The following EDA variants were observed in gnomAD, a reference collection of about 807,000 sequenced individuals.
EDA encodes the protein ectodysplasin-A.
Under a neutral mutation model 23.6 loss-of-function variants are expected in EDA, and 2 were observed. The ratio of observed to expected loss-of-function variants is 0.08; its 90% CI spans 0.03 to 0.27. The LOEUF (loss-of-function observed/expected upper bound fraction) is 0.27, where lower values mean the gene tolerates loss of function less well. Ranked by LOEUF, EDA falls within the 10% of genes least tolerant of loss-of-function variation. The probability of loss-of-function intolerance (pLI) is 1.00; values close to 1 mark genes in which losing one functional copy is unlikely to be tolerated. For missense variants in EDA, 229 were observed against 324.2 expected, an observed-to-expected ratio of 0.71 and a Z score of 2.26; for synonymous variants, 131 against 132.0, an observed-to-expected ratio of 0.99 and a Z score of 0.05.
chrX:69,835,751 G>A (rs768771319), intron 1 of EDA, among the ~76,000 whole-genome samples: 4 of 111,716 alleles, frequency 3.6e-5, no homozygotes, highest in South Asian at 3.7e-4. Context: ...GCTTTGTTCC[G>A]CTGCTGTTGA....
intron 1 of EDA, among the ~76,000 whole-genome samples, chrX:69,729,936 T>A (rs1390355632): frequency 1.8e-5 from 2 of 112,154 alleles, no homozygotes; most frequent in Non-Finnish European, 3.8e-5. Context: ...CTGCTCACCA[T>A]CCCTGTTTGA....
intron 1 of EDA, among the ~76,000 whole-genome samples, chrX:69,795,060 G>A (rs183652492): frequency 2.0e-3 from 224 of 111,282 alleles, no homozygotes; most frequent in South Asian, 6.9e-3. Flanking sequence ...GTCTTGCTCC[G>A]TCACCCAGGC....
At chrX:69,782,758 G>A (rs2014994038) in intron 1 of EDA, among the ~76,000 whole-genome samples, 1 of 111,821 alleles carries the variant, frequency 8.9e-6, no homozygotes, top group South Asian at 3.7e-4. Flanking sequence ...AGCCAACCAA[G>A]GACTGGGAGA....
At chrX:69,898,206 A>G (rs1369871535) in intron 1 of EDA, among the ~76,000 whole-genome samples, 1 of 112,069 alleles carries the variant, frequency 8.9e-6, no homozygotes, top group African/African-American at 3.2e-5. Flanking sequence ...TGGAAGTTCC[A>G]TATGTATTTT....
intron 1 of EDA, among the ~76,000 whole-genome samples, chrX:69,727,949 A>G (rs1475066645): frequency 9.0e-6 from 1 of 111,687 alleles, no homozygotes; most frequent in Non-Finnish European, 1.9e-5. Flanking sequence ...GATTGTGATA[A>G]AAAATGAGTA....
chrX:69,931,704 G>A (rs1281021499), intron 1 of EDA, among the ~76,000 whole-genome samples: 1 of 111,583 alleles, frequency 9.0e-6, no homozygotes, highest in Non-Finnish European at 1.9e-5. Flanking sequence ...GTTTTGATGA[G>A]GATATGAGAA....
At chrX:69,619,153 A>G (rs1270168638) in intron 1 of EDA, among the ~76,000 whole-genome samples, 1 of 112,428 alleles carries the variant, frequency 8.9e-6, no homozygotes, top group Non-Finnish European at 1.9e-5. Context: ...GTTTTTAAAC[A>G]CAAACAACTG....
chrX:69,851,150 C>G (rs1317370812), intron 1 of EDA, among the ~76,000 whole-genome samples: 1 of 59,163 alleles, frequency 1.7e-5, no homozygotes, highest in Non-Finnish European at 3.6e-5. Context: ...AAATCTAGAT[C>G]AAGGGTTTGT....
chrX:69,752,399 A>T (rs2013918774), intron 1 of EDA, among the ~76,000 whole-genome samples: 1 of 111,732 alleles, frequency 8.9e-6, no homozygotes, highest in Non-Finnish European at 1.9e-5. Flanking sequence ...GCGTACGTTG[A>T]ACCAGCCTTG....
At chrX:69,689,349 G>A (rs1934639126) in intron 1 of EDA, among the ~76,000 whole-genome samples, 1 of 104,477 alleles carries the variant, frequency 9.6e-6, no homozygotes, top group Non-Finnish European at 1.9e-5. Flanking sequence ...AGGCTAGAGT[G>A]CAGTGGCGCA....
intron 1 of EDA, among the ~76,000 whole-genome samples, chrX:69,693,916 G>A (rs1602302730): frequency 1.8e-5 from 2 of 111,880 alleles, no homozygotes; most frequent in Non-Finnish European, 3.8e-5. Flanking sequence ...ATTTAAGATG[G>A]CAAATGAATG....
In EDA at chrX:70,035,504, G is replaced by A. The variant is rs1453813427; in HGVS notation, c.1071G>A (p.Arg357=). ...YTAGVCLLKA[R]QKIAVKMVHA... ...CAGGCGTCTGCCTCCTCAAGGCCCG[G>A]CAGAAGATCGCCGTCAAGATGGTGC... The change falls in exon 8 of 8, where the codon CGG becomes CGA. Residue 357 remains arginine (R), a synonymous_variant. Transcript: ENST00000374552. 2 of 1,209,897 alleles carry A rather than the reference G, an allele frequency of 1.7e-6. No homozygotes were observed. Among genetic ancestry groups the A allele is most frequent in the Non-Finnish European group, 2.2e-6 (2 of 895,153 alleles).
intron 1 of EDA, among the ~76,000 whole-genome samples, chrX:69,638,690 G>A (rs182274440): frequency 1.1e-3 from 126 of 111,856 alleles, no homozygotes; most frequent in African/African-American, 3.7e-3. Flanking sequence ...TTTCTGTACC[G>A]TAAGCCTATC....
intron 1 of EDA, among the ~76,000 whole-genome samples, chrX:69,818,045 T>C (rs146601778): frequency 0.016 from 1,748 of 111,721 alleles, 31 homozygotes; most frequent in African/African-American, 0.055. Flanking sequence ...ACTATCAAAT[T>C]AGAACTCAAG....
chrX:69,686,625 T>C (rs763088338), intron 1 of EDA, among the ~76,000 whole-genome samples: 3 of 111,517 alleles, frequency 2.7e-5, no homozygotes, highest in South Asian at 7.6e-4. Context: ...AGGAATCATA[T>C]ATCTACTTTC....
chrX:69,743,738 C>T (rs1024656579), intron 1 of EDA, among the ~76,000 whole-genome samples: 2 of 111,845 alleles, frequency 1.8e-5, no homozygotes, highest in African/African-American at 6.5e-5. Context: ...GTAGTTCAAC[C>T]TAGGTAAGTA....
chrX:69,895,284 G>A (rs959724903), intron 1 of EDA, among the ~76,000 whole-genome samples: 3 of 109,566 alleles, frequency 2.7e-5, no homozygotes, highest in Non-Finnish European at 3.8e-5. Context: ...CCTCTATTAC[G>A]ATGAGGGGAT....
In EDA at chrX:69,957,059, A is replaced by T; in HGVS notation, c.429A>T (p.Glu143Asp). The T allele has an allele frequency of 8.3e-7, 1 of 1,211,811 alleles. No individual in the cohort carries two copies. Among genetic ancestry groups the T allele is most frequent in the Non-Finnish European group, 1.1e-6 (1 of 895,379 alleles). ...MALLNFFFPDEKPYSEEESRR... is the reference protein window; with the variant it reads ...MALLNFFFPDDKPYSEEESRR... Reference sequence around the variant, plus strand: ...TATTGAATTTCTTCTTCCCTGATGAAAAGCCATACTCTGAAGAAGAAAGTA... The same window carrying T: ...TATTGAATTTCTTCTTCCCTGATGATAAGCCATACTCTGAAGAAGAAAGTA... Residue 143 changes from glutamate to aspartate, a missense_variant, in exon 2 of 8, where the codon GAA (glutamate) becomes GAT (aspartate). Glu to Asp is a conservative substitution (Grantham distance 45). Around this residue, in one of 2 missense-constraint regions of EDA, gnomAD observed 175 missense variants for 281.8 expected, o/e 0.62. Transcript: ENST00000374552.
chrX:69,786,343 T>C (rs1271447246), intron 1 of EDA, among the ~76,000 whole-genome samples: 1 of 107,857 alleles, frequency 9.3e-6, no homozygotes, highest in Non-Finnish European at 1.9e-5. Context: ...CTTTTGAATG[T>C]GTTTGCTCTT....
Sources: allele counts gnomAD v4.1 joint callset (sites outside exome capture counted in the v4.1 genomes callset), GRCh38; gene constraint gnomAD v4.1.1; regional missense constraint gnomAD v4.1.1; transcripts MANE v1.5; gene names NCBI Gene and HGNC (gene_info 2026-07-23, HGNC 2026-07-21).